C10orf67: variants seen among roughly 807,000 people sequenced by gnomAD.
The protein encoded by C10orf67 is uncharacterized protein C10orf67, mitochondrial.
In C10orf67, 60 loss-of-function variants were observed where a neutral mutation model predicts 35.6. That is an observed-to-expected ratio of 1.68 (90% confidence interval 1.37 to 2.09). C10orf67 has a LOEUF of 2.09. Among genes scored for constraint, C10orf67 ranks in the 30% most tolerant of loss-of-function variants. The probability of loss-of-function intolerance (pLI) is 0.00; values close to 1 mark genes in which losing one functional copy is unlikely to be tolerated. For synonymous variants in C10orf67, 167 were observed against 115.8 expected, an observed-to-expected ratio of 1.44 and a Z score of -2.84; for missense variants, 474 against 330.2, an observed-to-expected ratio of 1.44 and a Z score of -3.38.
intron 2 of C10orf67, among the ~76,000 whole-genome samples, chr10:23,326,571 T>C (rs1418438231): frequency 6.6e-6 from 1 of 152,112 alleles, no homozygotes; most frequent in Middle Eastern, 3.2e-3. Flanking sequence ...CAAAGGAAAT[T>C]GTAAATATCT....
At position 23,236,206 on chromosome 10, in the gene C10orf67, G is replaced by A. The variant is rs531059581; in HGVS notation, c.1434+3523C>T. On this transcript the variant is annotated intron_variant, in intron 13 of 15. Transcript: ENST00000636213. ...GGAGCTTGCAGTGAGCTGAGATTGC[G>A]CCACTGCACTCCAACCTGGGCGACA... Among the ~76,000 whole-genome samples, 45 of 144,290 alleles carry A rather than the reference G, an allele frequency of 3.1e-4. No homozygotes were observed. The South Asian group carries it at 7.5e-3, about 24-fold the overall frequency. 94.7% of individuals were successfully genotyped at this position (144,290 alleles called of 152,430 possible).
chr10:23,325,117 A>C (rs1388470552), intron 2 of C10orf67, among the ~76,000 whole-genome samples: 1 of 152,156 alleles, frequency 6.6e-6, no homozygotes, highest in Admixed American at 6.6e-5. Context: ...AGGAAGGATC[A>C]CTTGAGGCAA....
At chr10:23,253,001 A>T (rs912737434) in intron 10 of C10orf67, among the ~76,000 whole-genome samples, 3 of 151,706 alleles carry the variant, frequency 2.0e-5, no homozygotes, top group African/African-American at 7.3e-5. Context: ...TGATGGTTTT[A>T]AAAATGGGAG....
At position 23,344,731 on chromosome 10, in the gene C10orf67, A is replaced by G. The variant is rs185191255; in HGVS notation, c.44T>C (p.Ile15Thr). 3.7e-3 allele frequency: 5,864 copies of G among 1,573,506 alleles called. 20 individuals are homozygous for G. Among genetic ancestry groups the G allele is most frequent in the South Asian group, 4.5e-3 (387 of 85,300 alleles). ...AAAGCAGTGAACCCATCTAATAACT[A>G]TGCTCATGACATAATGAGCCCTGCG... ...RDRRAHYVMS[I>T]VIRWVHCFSS... Residue 15 changes from isoleucine to threonine, a missense_variant, in exon 1 of 16, where the codon ATA becomes ACA. Transcript: ENST00000636213.
At chr10:23,305,166 T>C (rs1480871881) in intron 4 of C10orf67, among the ~76,000 whole-genome samples, 1 of 152,138 alleles carries the variant, frequency 6.6e-6, no homozygotes, top group Non-Finnish European at 1.5e-5. Context: ...CATGACACTC[T>C]CAAGAAAATG....
intron 15 of C10orf67, among the ~76,000 whole-genome samples, chr10:23,217,266 C>A (rs1324246036): frequency 6.6e-6 from 1 of 152,146 alleles, no homozygotes; most frequent in Admixed American, 6.5e-5. Flanking sequence ...TACTACTTTT[C>A]TGATCTCGGT....
chr10:23,283,696 T>TA (rs1262110735), intron 7 of C10orf67, among the ~76,000 whole-genome samples: 1 of 152,090 alleles, frequency 6.6e-6, no homozygotes, highest in African/African-American at 2.4e-5. Context: ...GCGTGGTACT[T>TA]AGAATACCCC....
intron 5 of C10orf67, among the ~76,000 whole-genome samples, chr10:23,292,158 CTTTTTTTTT>C (rs542812504): frequency 1.4e-5 from 1 of 69,316 alleles, no homozygotes; most frequent in African/African-American, 7.1e-5. Context: ...GACAGCTACT[CTTTTTTTTT>C]TTTTTTTTTT....
At chr10:23,241,217 G>A (rs1842168327) in intron 12 of C10orf67, among the ~76,000 whole-genome samples, 1 of 152,170 alleles carries the variant, frequency 6.6e-6, no homozygotes, top group South Asian at 2.1e-4. Flanking sequence ...TGACATTTAT[G>A]TCAATACAAT....
Position 23,203,731 on chromosome 10 carries a change from T to C in C10orf67, c.*442A>G, listed in dbSNP as rs1480434320. The C allele has an allele frequency of 6.5e-6, 1 of 153,062 alleles. No individual in the cohort carries two copies. The highest frequency in any genetic ancestry group is 1.5e-5 in the Non-Finnish European group (1 of 68,636). The allele number at this position is 153,062 out of a possible 1,614,324, so 9.5% of individuals were successfully genotyped here. A position where few individuals can be genotyped will look rare whatever the true frequency, so the allele number is the denominator to read the frequency against. ...GAGGAAATGTACGATCTCCCTGTAG[T>C]CTTCATGACCTACCTTCATGGGGAC... On this transcript the variant is annotated 3_prime_UTR_variant, in exon 16 of 16. Coordinates refer to ENST00000636213, the MANE Select transcript of C10orf67 (RefSeq NM_001371909.1).
At chr10:23,302,045 C>T (rs1425013250) in intron 5 of C10orf67, among the ~76,000 whole-genome samples, 1 of 151,998 alleles carries the variant, frequency 6.6e-6, no homozygotes, top group Non-Finnish European at 1.5e-5. Flanking sequence ...TGAGCGAAAG[C>T]TCAGCTCAAG....
chr10:23,333,123 G>A lies in C10orf67; in HGVS notation c.266C>T (p.Thr89Ile). 1 of 1,610,252 alleles carries A rather than the reference G, an allele frequency of 6.2e-7. No individual in the cohort carries two copies. The highest frequency in any genetic ancestry group is 8.5e-7 in the Non-Finnish European group (1 of 1,176,834). The change falls in exon 2 of 16, where the codon ACT becomes ATT. Residue 89 changes from threonine to isoleucine, a missense_variant. Thr to Ile is a moderately conservative substitution (Grantham distance 89). Transcript: ENST00000636213. ...GFFSTDHATQ[T>I]DSSEILSVKE... ...TACTGACAGTATTTCACTGGAATCA[G>A]TTTGAGTGGCATGGTCTGTGCTGAA...
intron 15 of C10orf67, among the ~76,000 whole-genome samples, chr10:23,211,727 T>G (rs547590376): frequency 2.9e-4 from 44 of 152,146 alleles, no homozygotes; most frequent in Non-Finnish European, 5.6e-4. Flanking sequence ...AGAAATCAAA[T>G]GAAGTGTCCT....
intron 3 of C10orf67, 68 bp downstream of exon 3, chr10:23,322,326 C>G: frequency 6.7e-7 from 1 of 1,487,346 alleles, no homozygotes; most frequent in Non-Finnish European, 9.1e-7. Context: ...AAATTCTAAA[C>G]TGCACTGCAT....
chr10:23,233,689 G>A (rs1253906351), intron 13 of C10orf67, among the ~76,000 whole-genome samples: 1 of 152,164 alleles, frequency 6.6e-6, no homozygotes, highest in Non-Finnish European at 1.5e-5. Flanking sequence ...AGAAGGAAGA[G>A]GGGAATATAT....
Position 23,329,396 on chromosome 10 carries a change from T to C in C10orf67, c.327+3666A>G, listed in dbSNP as rs554114319. Among the ~76,000 whole-genome samples, 210 of 152,194 alleles carry C rather than the reference T, an allele frequency of 1.4e-3. 1 individual carries two copies. Among genetic ancestry groups the C allele is most frequent in the African/African-American group, 4.7e-3 (195 of 41,548 alleles). On this transcript the variant is annotated intron_variant, in intron 2 of 15. Transcript: ENST00000636213. Reference sequence around the variant, plus strand: ...CCCAGAATATTTAAGAAAATGGGAATACATACATAACAAAATAACAATAGC... The same window carrying C: ...CCCAGAATATTTAAGAAAATGGGAACACATACATAACAAAATAACAATAGC...
At chr10:23,343,097 G>A (rs540822586) in intron 1 of C10orf67, among the ~76,000 whole-genome samples, 1 of 152,338 alleles carries the variant, frequency 6.6e-6, no homozygotes, top group East Asian at 1.9e-4. Context: ...TGAAAGGGAC[G>A]GGTTTTAAAC....
intron 4 of C10orf67, chr10:23,318,740 A>G: frequency 1.6e-6 from 1 of 609,750 alleles, no homozygotes; most frequent in Middle Eastern, 2.9e-4. Flanking sequence ...TGAAAAGCCA[A>G]CTAACAGTGG....
chr10:23,273,587 A>G lies in C10orf67; in HGVS notation c.976-6333T>C, dbSNP rs192698851. 2.6e-5 allele frequency among the ~76,000 whole-genome samples: 4 copies of G among 152,254 alleles called. No individual in the cohort carries two copies. The East Asian group carries it at 7.7e-4, about 29-fold the overall frequency. ...GTGCAGATGAGGCTCCTTGAGTACA[A>G]TCTCTCTTGATCTGAAGATCCAGAA... On this transcript the variant is annotated intron_variant, in intron 8 of 15. Coordinates refer to ENST00000636213, the MANE Select transcript of C10orf67 (RefSeq NM_001371909.1).
Sources: gnomAD v4.1 joint callset for allele counts (sites outside exome capture counted in the v4.1 genomes callset) on GRCh38, gnomAD v4.1.1 for gene constraint, MANE v1.5 for transcripts, NCBI Gene and HGNC (gene_info 2026-07-23, HGNC 2026-07-21) for gene names.